Variants in NUP133 observed in about 807,000 individuals in gnomAD.
The protein encoded by NUP133 is nuclear pore complex protein Nup133.
Under a neutral mutation model 146.2 loss-of-function variants are expected in NUP133, and 66 were observed. That is an observed-to-expected ratio of 0.45 (90% confidence interval 0.37 to 0.55). NUP133 has a LOEUF of 0.55. NUP133 is among the 20% of genes least tolerant of loss of function. The probability of loss-of-function intolerance (pLI) is 0.00; values close to 1 mark genes in which losing one functional copy is unlikely to be tolerated. For missense variants in NUP133, 1,277 were observed against 1,374.8 expected (o/e 0.93, Z 1.12); for synonymous variants, 521 against 498.8 (o/e 1.04, Z -0.59).
In NUP133 at chr1:229,475,022, A is replaced by G. The variant is rs148607197; in HGVS notation, c.1851+616T>C. 3.6e-3 allele frequency among the ~76,000 whole-genome samples: 549 copies of G among 152,162 alleles called. 2 individuals carry two copies. The highest frequency in any genetic ancestry group is 6.3e-3 in the Non-Finnish European group (427 of 67,990). ...CAGGAGGCTGTGAGAGGACTGCTTGAGCCTAGGAGGTCAAGGCTGCAGTGA... is the reference window on the plus strand; with the variant it reads ...CAGGAGGCTGTGAGAGGACTGCTTGGGCCTAGGAGGTCAAGGCTGCAGTGA... On this transcript the variant is annotated intron_variant, in intron 14 of 25. Transcript: ENST00000261396.
At position 229,508,318 on chromosome 1, in the gene NUP133, G is replaced by T. The variant is rs1662002024; in HGVS notation, c.-69C>A. 1.7e-6 allele frequency: 2 copies of T among 1,195,808 alleles called. No individual in the cohort carries two copies. Among genetic ancestry groups the T allele is most frequent in the South Asian group, 1.9e-5 (1 of 52,136 alleles). The allele number at this position is 1,195,808 out of a possible 1,614,324, so 74.1% of individuals were successfully genotyped here. A position where few individuals can be genotyped will look rare whatever the true frequency, so the allele number is the denominator to read the frequency against. On this transcript the variant is annotated 5_prime_UTR_variant, in exon 1 of 26. Coordinates refer to ENST00000261396, the MANE Select transcript of NUP133 (RefSeq NM_018230.3). ...CAGGTTGCAGCCTGGCCTGCGCGCG[G>T]AACTTAAACACCTAAGGGAAGAGAT... is the stretch of plus-strand genomic sequence containing the variant.
chr1:229,460,607 T>C lies in NUP133; in HGVS notation c.2844+4A>G, dbSNP rs1361229120. The C allele has an allele frequency of 2.5e-6, 4 of 1,611,332 alleles. No individual in the cohort carries two copies. The African/African-American group carries it at 5.3e-5, about 22-fold the overall frequency. On this transcript the variant is annotated splice_donor_region_variant and intron_variant, in intron 20 of 25. Coordinates refer to ENST00000261396, the MANE Select transcript of NUP133 (RefSeq NM_018230.3). Reference sequence around the variant, plus strand: ...CATCTGCTCCATAGAAAAATCCTTCTTACCTTTTCTAATTCTTGGCTATTA... The same window carrying C: ...CATCTGCTCCATAGAAAAATCCTTCCTACCTTTTCTAATTCTTGGCTATTA...
intron 14 of NUP133, 117 bp downstream of exon 14, chr1:229,475,520 GA>G: frequency 1.5e-6 from 1 of 669,542 alleles, no homozygotes; most frequent in Non-Finnish European, 2.6e-6. Flanking sequence ...AGAGACAATG[GA>G]AAACACCAGT....
chr1:229,483,696 C>CAAAAAAAAA (rs35673633), intron 12 of NUP133, among the ~76,000 whole-genome samples: 1 of 57,534 alleles, frequency 1.7e-5, no homozygotes, highest in Non-Finnish European at 3.8e-5. Flanking sequence ...CGGAGTGTCT[C>CAAAAAAAAA]AAAAAAAAAA....
intron 14 of NUP133, among the ~76,000 whole-genome samples, chr1:229,472,726 A>G (rs1486246857): frequency 1.4e-5 from 2 of 147,816 alleles, no homozygotes; most frequent in Non-Finnish European, 3.0e-5. Context: ...ATATATATAT[A>G]TGTACAATCA....
At position 229,458,266 on chromosome 1, in the gene NUP133, T is replaced by C; in HGVS notation, c.2875A>G (p.Met959Val). The change falls in exon 21 of 26, where the codon ATG (methionine) becomes GTG (valine). Residue 959 changes from methionine to valine, a missense_variant. Around this residue, in one of 3 missense-constraint regions of NUP133, gnomAD observed 952 missense variants for 1,047.0 expected, o/e 0.91. Coordinates refer to ENST00000261396, the MANE Select transcript of NUP133 (RefSeq NM_018230.3). ...TTCTTTGCAAAGTAACGAGTTTCCA[T>C]ATTTGCCAAACCCAGAAGTGTTGCA... ...AHATLLGLANMETRYFAKKKT... is the reference protein window; with the variant it reads ...AHATLLGLANVETRYFAKKKT... 1.2e-6 allele frequency: 2 copies of C among 1,613,510 alleles called. No individual in the cohort carries two copies. Among genetic ancestry groups the C allele is most frequent in the Non-Finnish European group, 8.5e-7 (1 of 1,179,642 alleles).
chr1:229,487,690 G>A lies in NUP133; in HGVS notation c.1195-77C>T, dbSNP rs1661396286. ...TGTATGATTTTTTAAATTCATTTTT[G>A]TACATTATTTCATAAAAATATTTCA... On this transcript the variant is annotated intron_variant, in intron 9 of 25. Coordinates refer to ENST00000261396, the MANE Select transcript of NUP133 (RefSeq NM_018230.3). The A allele has an allele frequency of 3.6e-6, 4 of 1,122,428 alleles. No homozygotes were observed. In the Admixed American group the frequency reaches 1.0e-4, roughly 28 times the overall value. The allele number at this position is 1,122,428 out of a possible 1,614,324, so 69.5% of individuals were successfully genotyped here. A position where few individuals can be genotyped will look rare whatever the true frequency, so the allele number is the denominator to read the frequency against.
Position 229,441,133 on chromosome 1 carries a change from T to C in NUP133, c.*771A>G, listed in dbSNP as rs1660173616. ...GGAAAACCTATAATGGTTTCTAGTATCATTCATGCTTTTGACTAGCTAGGC... is the reference window on the plus strand; with the variant it reads ...GGAAAACCTATAATGGTTTCTAGTACCATTCATGCTTTTGACTAGCTAGGC... On this transcript the variant is annotated 3_prime_UTR_variant, in exon 26 of 26. Coordinates refer to ENST00000261396, the MANE Select transcript of NUP133 (RefSeq NM_018230.3). 1 of 305,036 alleles carries C rather than the reference T, an allele frequency of 3.3e-6. No homozygotes were observed. The highest frequency in any genetic ancestry group is 3.1e-5 in the South Asian group (1 of 32,062). The allele number at this position is 305,036 out of a possible 1,614,324, so 18.9% of individuals were successfully genotyped here. A position where few individuals can be genotyped will look rare whatever the true frequency, so the allele number is the denominator to read the frequency against.
At chr1:229,453,823 T>C (rs73114341) in intron 21 of NUP133, among the ~76,000 whole-genome samples, 6,862 of 152,306 alleles carry the variant, frequency 0.045, 461 homozygotes, top group African/African-American at 0.15. Flanking sequence ...TGTTGATAAA[T>C]TTTAACTTTT....
Position 229,490,007 on chromosome 1 carries a change from T to C in NUP133, c.1142A>G (p.Gln381Arg). The stretch of plus-strand genomic sequence containing the variant: ...TTCTACAGTAACTGCATCTGACATT[T>C]GGCAACCATTATCTTCTATTGTTAT... ...SLITIEDNGC[Q>R]MSDAVTVEVT... is the part of the protein sequence containing the mutation. Residue 381 changes from glutamine to arginine, a missense_variant, in exon 9 of 26, where the codon CAA becomes CGA. Gln to Arg is a conservative substitution (Grantham distance 43). Coordinates refer to ENST00000261396, the MANE Select transcript of NUP133 (RefSeq NM_018230.3). The C allele has an allele frequency of 1.2e-6, 2 of 1,611,764 alleles. No individual in the cohort carries two copies. Among genetic ancestry groups the C allele is most frequent in the Non-Finnish European group, 1.7e-6 (2 of 1,178,486 alleles).
chr1:229,449,873 A>ATATATATATATTTT (rs1261799272), intron 23 of NUP133, among the ~76,000 whole-genome samples: 1 of 85,804 alleles, frequency 1.2e-5, no homozygotes. Context: ...ATATATATAT[A>ATATATATATATTTT]TTTTTTTTTT....
chr1:229,498,161 A>G lies in NUP133; in HGVS notation c.794T>C (p.Ile265Thr). 2 of 1,609,648 alleles carry G rather than the reference A, an allele frequency of 1.2e-6. No homozygotes were observed. Among genetic ancestry groups the G allele is most frequent in the East Asian group, 4.5e-5 (2 of 44,784 alleles). The part of the protein sequence containing the change: ...IGRKVSSLFG[I>T]LSPSSDLTLS... ...TGTGAGATCACTACTAGGAGATAAA[A>G]TTCCAAAAAGAGAAGAAACTTTTCG... The change falls in exon 6 of 26, where the codon ATT becomes ACT. Residue 265 changes from isoleucine to threonine, a missense_variant. Transcript: ENST00000261396.
intron 2 of NUP133, among the ~76,000 whole-genome samples, chr1:229,502,558 CA>C (rs58520087): frequency 4.2e-3 from 181 of 43,080 alleles, no homozygotes; most frequent in South Asian, 6.7e-3. Context: ...GACTCCATCT[CA>C]AAAAAAAAAA....
chr1:229,502,099 T>G lies in NUP133; in HGVS notation c.305A>C (p.Asp102Ala). 1 of 1,612,094 alleles carries G rather than the reference T, an allele frequency of 6.2e-7. No homozygotes were observed. The change falls in exon 3 of 26, where the codon GAT (aspartate) becomes GCT (alanine). Residue 102 changes from aspartate (D) to alanine (A), a missense_variant. Coordinates refer to ENST00000261396, the MANE Select transcript of NUP133 (RefSeq NM_018230.3). The part of the protein sequence containing the change: ...VMEALTLAEV[D>A]DQLTINIDEG... Reference sequence around the variant, plus strand: ...ATCTATGTTAATGGTCAGCTGGTCATCGACTAAAGGAAAAAATGAGGTGGG... The same window carrying G: ...ATCTATGTTAATGGTCAGCTGGTCAGCGACTAAAGGAAAAAATGAGGTGGG...
chr1:229,486,299 G>C, intron 11 of NUP133, 72 bp downstream of exon 11: 7 of 1,361,762 alleles, frequency 5.1e-6, no homozygotes, highest in Non-Finnish European at 6.8e-6. Flanking sequence ...TCTAGCCTGG[G>C]TGACAGCGTG....
chr1:229,490,523 A>G (rs1300953186), intron 8 of NUP133, among the ~76,000 whole-genome samples: 2 of 152,202 alleles, frequency 1.3e-5, no homozygotes, highest in African/African-American at 4.8e-5. Context: ...AAGGCAAAAT[A>G]TAGGGACAGA....
At chr1:229,462,114 C>A (rs916232495) in intron 19 of NUP133, among the ~76,000 whole-genome samples, 1 of 152,202 alleles carries the variant, frequency 6.6e-6, no homozygotes, top group Non-Finnish European at 1.5e-5. Context: ...GAACTCCTGA[C>A]CTCAGGTGAT....
At chr1:229,442,736 C>T (rs1197778365) in intron 25 of NUP133, among the ~76,000 whole-genome samples, 4 of 138,872 alleles carry the variant, frequency 2.9e-5, no homozygotes, top group Admixed American at 7.5e-5. Flanking sequence ...TTTTTTCAGG[C>T]GGAGTCTCAC....
At chr1:229,481,761 G>A (rs973036893) in intron 12 of NUP133, among the ~76,000 whole-genome samples, 1 of 151,876 alleles carries the variant, frequency 6.6e-6, no homozygotes, top group African/African-American at 2.4e-5. Context: ...GGCAGAAACT[G>A]GAGTGACACA....
Sources: allele counts gnomAD v4.1 joint callset (sites outside exome capture counted in the v4.1 genomes callset), GRCh38; gene constraint gnomAD v4.1.1; regional missense constraint gnomAD v4.1.1; transcripts MANE v1.5; gene names NCBI Gene and HGNC (gene_info 2026-07-23, HGNC 2026-07-21).